Variants in OR5T2 observed in about 807,000 individuals in gnomAD.
OR5T2 encodes olfactory receptor family 5 subfamily T member 2.
In OR5T2, 12 loss-of-function variants were observed where a neutral mutation model predicts 13.7. The ratio of observed to expected loss-of-function variants is 0.88; its 90% confidence interval spans 0.56 to 1.42. The LOEUF is 1.42. Ranked by LOEUF, OR5T2 falls within the 40% of genes most tolerant of loss-of-function variation. The pLI is 0.00. For missense variants in OR5T2, 475 were observed against 372.0 expected, an observed-to-expected ratio of 1.28 and a Z score of -2.28; for synonymous variants, 146 against 139.5, an observed-to-expected ratio of 1.05 and a Z score of -0.33.
Position 56,232,225 on chromosome 11 carries a change from T to A in OR5T2, c.838A>T (p.Ile280Phe). The change falls in exon 2 of 2, where the codon ATT (isoleucine) becomes TTT (phenylalanine). Residue 280 changes from isoleucine to phenylalanine, a missense_variant. By Grantham distance (21) the Ile-to-Phe change is conservative. Coordinates refer to ENST00000641661, the MANE Select transcript of OR5T2 (RefSeq NM_001004746.4). The part of the protein sequence containing the change: ...MIVSIFYTIV[I>F]PLLNPVIYSL... Reference sequence around the variant, plus strand: ...TAGATGACGGGATTCAGCAAGGGAATCACAATGGTGTAAAATATTGACACT... The same window carrying A: ...TAGATGACGGGATTCAGCAAGGGAAACACAATGGTGTAAAATATTGACACT... 2 of 1,613,526 alleles carry A rather than the reference T, an allele frequency of 1.2e-6. No individual in the cohort carries two copies. Among genetic ancestry groups the A allele is most frequent in the Non-Finnish European group, 1.7e-6 (2 of 1,179,720 alleles).
At chr11:56,233,339 A>G in intron 1 of OR5T2, 75 bp from the exon 2 acceptor site, 1 of 534,898 alleles carries the variant, frequency 1.9e-6, no homozygotes. Context: ...CATCAGGTCT[A>G]CTGGTTAATT....
chr11:56,232,327 C>T lies in OR5T2; in HGVS notation c.736G>A (p.Val246Met). 6.2e-7 allele frequency: 1 copy of T among 1,608,164 alleles called. No homozygotes were observed. The highest frequency in any genetic ancestry group is 8.5e-7 in the Non-Finnish European group (1 of 1,177,174). ...AGGATTGTCCCATAATAAATTGACACTCCAGTTAGGTGAGCTCCACATGTG... is the reference window on the plus strand; with the variant it reads ...AGGATTGTCCCATAATAAATTGACATTCCAGTTAGGTGAGCTCCACATGTG... ...FSTCGAHLTGVSIYYGTILFM... is the reference protein window; with the variant it reads ...FSTCGAHLTGMSIYYGTILFM... The change falls in exon 2 of 2, where the codon GTG (valine) becomes ATG (methionine). Residue 246 changes from valine to methionine, a missense_variant. Physicochemically the swap from Val to Met is conservative, Grantham distance 21. Coordinates refer to ENST00000641661, the MANE Select transcript of OR5T2 (RefSeq NM_001004746.4).
rs755620396 is a variant in OR5T2, at chr11:56,232,300, A to C, written c.763T>G (p.Phe255Val). 4.3e-6 allele frequency: 7 copies of C among 1,610,862 alleles called. No homozygotes were observed. In the East Asian group the frequency reaches 1.6e-4, roughly 36 times the overall value. ...CTGGAACTTGGTCTCACATACATGA[A>C]GAGGATTGTCCCATAATAAATTGAC... is the stretch of plus-strand genomic sequence containing the variant. ...GVSIYYGTIL[F>V]MYVRPSSSYA... Residue 255 changes from phenylalanine (F) to valine (V), a missense_variant, in exon 2 of 2, where the codon TTC becomes GTC. Physicochemically the swap from Phe to Val is conservative, Grantham distance 50. Transcript: ENST00000641661.
Position 56,232,582 on chromosome 11 carries a change from T to C in OR5T2, c.481A>G (p.Thr161Ala). 1.2e-6 allele frequency: 2 copies of C among 1,614,058 alleles called. No individual in the cohort carries two copies. The highest frequency in any genetic ancestry group is 2.2e-5 in the South Asian group (2 of 91,074). Residue 161 changes from threonine (T) to alanine (A), a missense_variant, in exon 2 of 2, where the codon ACA becomes GCA. Transcript: ENST00000641661. ...GCTCCACAGAAGGATAGGCTAAATG[T>C]AGCCACTGTATGTATAGTAGCATGT... The part of the protein sequence containing the change: ...ILHATIHTVA[T>A]FSLSFCGANE...
chr11:56,232,083 G>A lies in OR5T2; in HGVS notation c.*23C>T. Reference sequence around the variant, plus strand: ...CACATTCTTGGTATTGAGGTGCAGAGTATCACCCTCACCTTTTATAATTTA... The same window carrying A: ...CACATTCTTGGTATTGAGGTGCAGAATATCACCCTCACCTTTTATAATTTA... On this transcript the variant is annotated 3_prime_UTR_variant, in exon 2 of 2. Coordinates refer to ENST00000641661, the MANE Select transcript of OR5T2 (RefSeq NM_001004746.4). 6.6e-7 allele frequency: 1 copy of A among 1,505,390 alleles called. No individual in the cohort carries two copies. 93.3% of individuals were successfully genotyped at this position (1,505,390 alleles called of 1,614,324 possible). A position where few individuals can be genotyped will look rare whatever the true frequency, so the allele number is the denominator to read the frequency against.
chr11:56,232,103 A>G lies in OR5T2; in HGVS notation c.*3T>C. The G allele has an allele frequency of 6.5e-7, 1 of 1,528,672 alleles. No individual in the cohort carries two copies. The highest frequency in any genetic ancestry group is 8.8e-7 in the Non-Finnish European group (1 of 1,137,908). 94.7% of individuals were successfully genotyped at this position (1,528,672 alleles called of 1,614,324 possible). On this transcript the variant is annotated 3_prime_UTR_variant, in exon 2 of 2. Coordinates refer to ENST00000641661, the MANE Select transcript of OR5T2 (RefSeq NM_001004746.4). ...GCAGAGTATCACCCTCACCTTTTAT[A>G]ATTTATTTTTTAGTATGAAAATATA...
Position 56,232,262 on chromosome 11 carries a change from G to C in OR5T2, c.801C>G (p.Asp267Glu), listed in dbSNP as rs1334983854. ...YVRPSSSYASDHDMIVSIFYT... is the reference protein window; with the variant it reads ...YVRPSSSYASEHDMIVSIFYT... ...AAAATATTGACACTATCATGTCATG[G>C]TCCGAAGCATAGCTGGAACTTGGTC... Residue 267 changes from aspartate (D) to glutamate (E), a missense_variant, in exon 2 of 2, where the codon GAC becomes GAG. Physicochemically the swap from Asp to Glu is conservative, Grantham distance 45. Transcript: ENST00000641661. 6.2e-7 allele frequency: 1 copy of C among 1,613,136 alleles called. No individual in the cohort carries two copies. The highest frequency in any genetic ancestry group is 8.5e-7 in the Non-Finnish European group (1 of 1,179,462).
rs1853295666 is a variant in OR5T2, at chr11:56,232,314, T to C, written c.749A>G (p.Tyr250Cys). The C allele has an allele frequency of 1.2e-6, 2 of 1,609,450 alleles. No individual in the cohort carries two copies. Among genetic ancestry groups the C allele is most frequent in the Middle Eastern group, 1.7e-4 (1 of 6,014 alleles). The change falls in exon 2 of 2, where the codon TAT (tyrosine) becomes TGT (cysteine). Residue 250 changes from tyrosine to cysteine, a missense_variant. Tyr to Cys is a radical substitution (Grantham distance 194). Transcript: ENST00000641661. ...CACATACATGAAGAGGATTGTCCCA[T>C]AATAAATTGACACTCCAGTTAGGTG... ...GAHLTGVSIY[Y>C]GTILFMYVRP...
Position 56,231,959 on chromosome 11 carries a change from A to G in OR5T2, c.*147T>C, listed in dbSNP as rs1853286386. ...GGTAAAAGGCCTGCCCCTGAGGTAT[A>G]ACACCCAACATTATAACAAAAGACT... On this transcript the variant is annotated 3_prime_UTR_variant, in exon 2 of 2. Transcript: ENST00000641661. 1 of 643,100 alleles carries G rather than the reference A, an allele frequency of 1.6e-6. No homozygotes were observed. Among genetic ancestry groups the G allele is most frequent in the Admixed American group, 3.5e-5 (1 of 28,876 alleles). The allele number at this position is 643,100 out of a possible 1,614,324, so 39.8% of individuals were successfully genotyped here.
Position 56,232,013 on chromosome 11 carries a change from A to G in OR5T2, c.*93T>C. The G allele has an allele frequency of 9.5e-7, 1 of 1,053,756 alleles. No homozygotes were observed. Among genetic ancestry groups the G allele is most frequent in the Non-Finnish European group, 1.3e-6 (1 of 759,168 alleles). The allele number at this position is 1,053,756 out of a possible 1,614,324, so 65.3% of individuals were successfully genotyped here. Reference sequence around the variant, plus strand: ...ACAAAGGCTATGGGAATTATGAGCCAGGAACCCTGGATGGAAACCAACATA... The same window carrying G: ...ACAAAGGCTATGGGAATTATGAGCCGGGAACCCTGGATGGAAACCAACATA... On this transcript the variant is annotated 3_prime_UTR_variant, in exon 2 of 2. Transcript: ENST00000641661.
Position 56,233,259 on chromosome 11 carries a change from C to T in OR5T2, c.-197G>A, listed in dbSNP as rs1413838373. On this transcript the variant is annotated 5_prime_UTR_variant, in exon 2 of 2. Transcript: ENST00000641661. ...AAACTGGTCAGCCATGTGTTCATGC[C>T]ACTCACTGCAGAATCAAATGGAAGA... 1.7e-6 allele frequency: 2 copies of T among 1,204,970 alleles called. No homozygotes were observed. The highest frequency in any genetic ancestry group is 2.2e-6 in the Non-Finnish European group (2 of 895,788). The allele number at this position is 1,204,970 out of a possible 1,614,324, so 74.6% of individuals were successfully genotyped here.
rs1365901391 is a variant in OR5T2 at position 56,231,362 on chromosome 11, G to A, written c.*744C>T. ...ACACAGAAGACTTCTGTGATCAAAT[G>A]GGTAGGGATTTCTTCCTCCCACACC... On this transcript the variant is annotated 3_prime_UTR_variant, in exon 2 of 2. Coordinates refer to ENST00000641661, the MANE Select transcript of OR5T2 (RefSeq NM_001004746.4). 1 of 152,118 alleles carries A rather than the reference G, an allele frequency of 6.6e-6. No individual in the cohort carries two copies. Among genetic ancestry groups the A allele is most frequent in the Admixed American group, 6.6e-5 (1 of 15,258 alleles). The allele number at this position is 152,118 out of a possible 1,614,324, so 9.4% of individuals were successfully genotyped here. A position where few individuals can be genotyped will look rare whatever the true frequency, so the allele number is the denominator to read the frequency against.
Position 56,232,854 on chromosome 11 carries a change from C to G in OR5T2, c.209G>C (p.Cys70Ser). The G allele has an allele frequency of 6.2e-7, 1 of 1,612,350 alleles. No individual in the cohort carries two copies. Among genetic ancestry groups the G allele is most frequent in the Non-Finnish European group, 8.5e-7 (1 of 1,179,134 alleles). Residue 70 changes from cysteine to serine, a missense_variant, in exon 2 of 2, where the codon TGC becomes TCC. Transcript: ENST00000641661. ...FLSMLSSVDA[C>S]YSSVITPNML... ...ATTTGGGGTAATAACTGAGGAATAG[C>G]AGGCATCCACAGAAGACAACATACT... is the stretch of plus-strand genomic sequence containing the variant.
At position 56,232,403 on chromosome 11, in the gene OR5T2, C is replaced by A. The variant is rs1853297865; in HGVS notation, c.660G>T (p.Leu220=). The change falls in exon 2 of 2, where the codon CTG becomes CTT. Residue 220 remains leucine (L), a synonymous_variant. Coordinates refer to ENST00000641661, the MANE Select transcript of OR5T2 (RefSeq NM_001004746.4). The part of the protein sequence containing the change: ...LIVLISYGLI[L]LAILKMYSAE... ...CAGAATACATCTTCAGAATGGCCAACAGAATCAAACCATAGGAGATCAGAA... is the reference window on the plus strand; with the variant it reads ...CAGAATACATCTTCAGAATGGCCAAAAGAATCAAACCATAGGAGATCAGAA... The A allele has an allele frequency of 1.9e-6, 3 of 1,610,594 alleles. No homozygotes were observed. The African/African-American group carries it at 4.0e-5, about 22-fold the overall frequency.
chr11:56,232,206 A>T lies in OR5T2; in HGVS notation c.857T>A (p.Val286Asp). 6.2e-7 allele frequency: 1 copy of T among 1,612,580 alleles called. No individual in the cohort carries two copies. The highest frequency in any genetic ancestry group is 1.3e-5 in the African/African-American group (1 of 75,006). ...ATCTTTGTTCCTCAAACTGTAGATGACGGGATTCAGCAAGGGAATCACAAT... is the reference window on the plus strand; with the variant it reads ...ATCTTTGTTCCTCAAACTGTAGATGTCGGGATTCAGCAAGGGAATCACAAT... ...YTIVIPLLNP[V>D]IYSLRNKDVK... Residue 286 changes from valine (V) to aspartate (D), a missense_variant, in exon 2 of 2, where the codon GTC becomes GAC. By Grantham distance (152) the Val-to-Asp change is radical. Transcript: ENST00000641661.
In OR5T2 at chr11:56,232,327, C is replaced by A; in HGVS notation, c.736G>T (p.Val246Leu). 6.2e-7 allele frequency: 1 copy of A among 1,608,164 alleles called. No individual in the cohort carries two copies. Reference sequence around the variant, plus strand: ...AGGATTGTCCCATAATAAATTGACACTCCAGTTAGGTGAGCTCCACATGTG... The same window carrying A: ...AGGATTGTCCCATAATAAATTGACAATCCAGTTAGGTGAGCTCCACATGTG... ...FSTCGAHLTG[V>L]SIYYGTILFM... is the part of the protein sequence containing the mutation. The change falls in exon 2 of 2, where the codon GTG becomes TTG. Residue 246 changes from valine (V) to leucine (L), a missense_variant. Physicochemically the swap from Val to Leu is conservative, Grantham distance 32 (BLOSUM62 1). Coordinates refer to ENST00000641661, the MANE Select transcript of OR5T2 (RefSeq NM_001004746.4).
chr11:56,232,413 C>T lies in OR5T2; in HGVS notation c.650G>A (p.Gly217Asp). Residue 217 changes from glycine (G) to aspartate (D), a missense_variant, in exon 2 of 2, where the codon GGT becomes GAT. Coordinates refer to ENST00000641661, the MANE Select transcript of OR5T2 (RefSeq NM_001004746.4). ...VTILIVLISY[G>D]LILLAILKMY... ...CTTCAGAATGGCCAACAGAATCAAA[C>T]CATAGGAGATCAGAACAATCAGGAT... The T allele has an allele frequency of 6.2e-7, 1 of 1,610,686 alleles. No homozygotes were observed. The highest frequency in any genetic ancestry group is 1.3e-5 in the African/African-American group (1 of 74,988).
At position 56,232,027 on chromosome 11, in the gene OR5T2, G is replaced by A. The variant is rs12270451; in HGVS notation, c.*79C>T. The stretch of plus-strand genomic sequence containing the variant: ...AATTATGAGCCAGGAACCCTGGATG[G>A]AAACCAACATATATCATAACACCAC... On this transcript the variant is annotated 3_prime_UTR_variant, in exon 2 of 2. Transcript: ENST00000641661. 0.076 allele frequency: 92,252 copies of A among 1,214,374 alleles called. 3,836 individuals carry two copies. Among genetic ancestry groups the A allele is most frequent in the Non-Finnish European group, 0.081 (72,934 of 898,554 alleles). The allele number at this position is 1,214,374 out of a possible 1,614,324, so 75.2% of individuals were successfully genotyped here. A position where few individuals can be genotyped will look rare whatever the true frequency, so the allele number is the denominator to read the frequency against.
rs1853336917 is a variant in OR5T2 at position 56,234,238 on chromosome 11, A to G, written c.-264T>C. On this transcript the variant is annotated 5_prime_UTR_variant, in exon 1 of 2. Coordinates refer to ENST00000641661, the MANE Select transcript of OR5T2 (RefSeq NM_001004746.4). ...ATTTCCAGAGCCAAGATTCAATCCC[A>G]GGTTTCTCTCATTGTACATGAAATT... 1 of 152,164 alleles carries G rather than the reference A, an allele frequency of 6.6e-6. No individual in the cohort carries two copies. The highest frequency in any genetic ancestry group is 1.5e-5 in the Non-Finnish European group (1 of 67,958). The allele number at this position is 152,164 out of a possible 1,614,324, so 9.4% of individuals were successfully genotyped here.
Sources: gnomAD v4.1 joint callset for allele counts on GRCh38, gnomAD v4.1.1 for gene constraint, MANE v1.5 for transcripts, NCBI Gene and HGNC (gene_info 2026-07-23, HGNC 2026-07-21) for gene names.